DMXL2: variants seen among roughly 807,000 people sequenced by gnomAD.
DMXL2 encodes the protein Dmx like 2.
Under a neutral mutation model 331.1 loss-of-function variants are expected in DMXL2, and 103 were observed. The observed-to-expected ratio is 0.31, with a 90% CI of 0.27 to 0.37. DMXL2 has a LOEUF of 0.37. DMXL2 is among the 10% of genes least tolerant of loss of function. DMXL2 has a pLI of 1.00. For synonymous variants in DMXL2, 1,281 were observed against 1,252.1 expected, an observed-to-expected ratio of 1.02 and a Z score of -0.49; for missense variants, 3,171 against 3,642.9, an observed-to-expected ratio of 0.87 and a Z score of 3.33.
intron 18 of DMXL2, among the ~76,000 whole-genome samples, chr15:51,495,921 CATCT>C (rs1038401731): frequency 8.6e-5 from 13 of 151,974 alleles, no homozygotes; most frequent in South Asian, 4.2e-4. Context: ...TCCATCCATC[CATCT>C]ATTTATTTAG....
intron 11 of DMXL2, 66 bp downstream of exon 11, chr15:51,537,421 CT>C (rs2048346855): frequency 6.9e-7 from 1 of 1,459,796 alleles, no homozygotes; most frequent in African/African-American, 1.4e-5. Flanking sequence ...CATGCTAACT[CT>C]ACAAAGCATT....
chr15:51,595,957 C>T (rs1432279041), intron 1 of DMXL2, among the ~76,000 whole-genome samples: 1 of 152,028 alleles, frequency 6.6e-6, no homozygotes, highest in Non-Finnish European at 1.5e-5. Flanking sequence ...GACCTAAAAC[C>T]ATAAAAACCC....
intron 10 of DMXL2, 75 bp from the exon 11 acceptor site, chr15:51,537,834 T>G (rs1470148587): frequency 3.5e-6 from 5 of 1,415,336 alleles, no homozygotes; most frequent in African/African-American, 1.5e-5. Flanking sequence ...ATAAATGGCA[T>G]ACTATCTTTA....
intron 19 of DMXL2, 45 bp from the exon 20 acceptor site, chr15:51,491,792 TAAG>T (rs764255413): frequency 5.3e-6 from 8 of 1,514,744 alleles, no homozygotes; most frequent in African/African-American, 1.4e-5. Flanking sequence ...CTGTATCAAA[TAAG>T]AAGAAAAACA....
intron 1 of DMXL2, among the ~76,000 whole-genome samples, chr15:51,580,046 C>T (rs2051303912): frequency 6.6e-6 from 1 of 152,144 alleles, no homozygotes; most frequent in South Asian, 2.1e-4. Context: ...CATGAAGATC[C>T]TGTTGGTGCT....
At chr15:51,551,806 G>C (rs2049239361) in intron 6 of DMXL2, among the ~76,000 whole-genome samples, 1 of 152,194 alleles carries the variant, frequency 6.6e-6, no homozygotes, top group Non-Finnish European at 1.5e-5. Flanking sequence ...ATCCCACAGA[G>C]CTTATTCTTT....
chr15:51,595,865 A>G (rs2052763365), intron 1 of DMXL2, among the ~76,000 whole-genome samples: 1 of 152,230 alleles, frequency 6.6e-6, no homozygotes, highest in South Asian at 2.1e-4. Flanking sequence ...CTGGCTAGCC[A>G]TAGGTAGAAA....
At chr15:51,607,461 A>G (rs2053669783) in intron 1 of DMXL2, among the ~76,000 whole-genome samples, 1 of 152,178 alleles carries the variant, frequency 6.6e-6, no homozygotes, top group Admixed American at 6.5e-5. Context: ...GTCTCAAAAA[A>G]AGAAAAAAGA....
intron 9 of DMXL2, among the ~76,000 whole-genome samples, chr15:51,541,049 G>A (rs765867710): frequency 1.3e-5 from 2 of 152,118 alleles, no homozygotes; most frequent in Non-Finnish European, 2.9e-5. Flanking sequence ...TTTTATCACA[G>A]TAATTCAAGA....
intron 6 of DMXL2, among the ~76,000 whole-genome samples, chr15:51,549,101 C>T (rs1380221446): frequency 6.6e-6 from 1 of 151,944 alleles, no homozygotes; most frequent in African/African-American, 2.4e-5. Context: ...GTCTTTTATC[C>T]CTCACTCTCC....
chr15:51,499,064 G>T lies in DMXL2; in HGVS notation c.4160C>A (p.Ala1387Asp). 1 of 1,613,902 alleles carries T rather than the reference G, an allele frequency of 6.2e-7. No individual in the cohort carries two copies. Among genetic ancestry groups the T allele is most frequent in the Non-Finnish European group, 8.5e-7 (1 of 1,180,010 alleles). Residue 1387 changes from alanine to aspartate, a missense_variant, in exon 18 of 44, where the codon GCT becomes GAT. By Grantham distance (126) the Ala-to-Asp change is moderately radical (BLOSUM62 -2). Coordinates refer to ENST00000560891, the MANE Select transcript of DMXL2 (RefSeq NM_001378457.1). ...GEVAIVRDPD[A>D]GEGTKRHLSR... ...GAGATGTCGCTTAGTTCCTTCTCCA[G>T]CATCAGGATCTCTAACTATTGCTAC...
chr15:51,592,696 C>CA (rs2052476640), intron 1 of DMXL2, among the ~76,000 whole-genome samples: 1 of 152,356 alleles, frequency 6.6e-6, no homozygotes, highest in African/African-American at 2.4e-5. Flanking sequence ...GGAAGCCCAT[C>CA]AGACTAACAG....
intron 1 of DMXL2, among the ~76,000 whole-genome samples, chr15:51,595,808 A>C (rs909256166): frequency 6.6e-6 from 1 of 152,252 alleles, no homozygotes; most frequent in Non-Finnish European, 1.5e-5. Flanking sequence ...TGACAAAAGC[A>C]AGAAACGGGG....
intron 14 of DMXL2, among the ~76,000 whole-genome samples, chr15:51,516,017 G>T (rs1206439180): frequency 6.6e-6 from 1 of 152,122 alleles, no homozygotes; most frequent in Non-Finnish European, 1.5e-5. Flanking sequence ...ATCAAGAGAT[G>T]ATGTATTTTA....
chr15:51,581,181 C>T (rs1218386874), intron 1 of DMXL2, among the ~76,000 whole-genome samples: 1 of 152,168 alleles, frequency 6.6e-6, no homozygotes, highest in Non-Finnish European at 1.5e-5. Flanking sequence ...CCTGCCAGAT[C>T]AGCGGTGGCA....
chr15:51,463,917 T>G (rs919487079), intron 32 of DMXL2, among the ~76,000 whole-genome samples: 3 of 152,024 alleles, frequency 2.0e-5, no homozygotes, highest in Non-Finnish European at 4.4e-5. Context: ...TAAAAACTAT[T>G]AATCAGGGTC....
At chr15:51,591,769 G>A (rs570841100) in intron 1 of DMXL2, among the ~76,000 whole-genome samples, 2 of 152,334 alleles carry the variant, frequency 1.3e-5, no homozygotes, top group Admixed American at 1.3e-4. Flanking sequence ...AATATCCGCT[G>A]TTCTGCAGCC....
At position 51,545,718 on chromosome 15, in the gene DMXL2, G is replaced by A. The variant is rs2048850892; in HGVS notation, c.795C>T (p.Cys265=). The A allele has an allele frequency of 1.9e-6, 3 of 1,613,310 alleles. No individual in the cohort carries two copies. Among genetic ancestry groups the A allele is most frequent in the Non-Finnish European group, 2.5e-6 (3 of 1,179,592 alleles). Residue 265 remains cysteine, a synonymous_variant, in exon 8 of 44, where the codon TGC becomes TGT. Transcript: ENST00000560891. ...GTAATAAAGTTTCTGCCCAGAGCCG[G>A]CACACACCATCATGACATGAAGTTA... ...VLLTSCHDGV[C]RLWAETLLPE...
chr15:51,520,747 T>C (rs1173373377), intron 13 of DMXL2, among the ~76,000 whole-genome samples: 1 of 152,068 alleles, frequency 6.6e-6, no homozygotes, highest in African/African-American at 2.4e-5. Context: ...ATCCCAGCTA[T>C]TCAGGAAGCT....
Sources: gnomAD v4.1 joint callset for allele counts (sites outside exome capture counted in the v4.1 genomes callset) on GRCh38, gnomAD v4.1.1 for gene constraint, MANE v1.5 for transcripts, NCBI Gene and HGNC (gene_info 2026-07-23, HGNC 2026-07-21) for gene names.